The following TEAD1 variants were observed in gnomAD, a reference collection of about 807,000 sequenced individuals.
The protein encoded by TEAD1 is transcriptional enhancer factor TEF-1.
In TEAD1, 9 loss-of-function variants were observed where a neutral mutation model predicts 54.9. That is an observed-to-expected ratio of 0.16 (90% CI 0.10 to 0.29). TEAD1 has a LOEUF of 0.29. Ranked by LOEUF, TEAD1 falls within the 10% of genes least tolerant of loss-of-function variation. TEAD1 has a pLI of 1.00. For synonymous variants in TEAD1, 200 were observed against 187.8 expected, an observed-to-expected ratio of 1.07 and a Z score of -0.53; for missense variants, 387 against 535.9, an observed-to-expected ratio of 0.72 and a Z score of 2.74.
intron 3 of TEAD1, among the ~76,000 whole-genome samples, chr11:12,795,222 A>C (rs1333826657): frequency 6.6e-6 from 1 of 152,046 alleles, no homozygotes. Context: ...TTCAGTCTCT[A>C]ACTTTGTTGT....
chr11:12,773,518 G>A (rs932143578), intron 3 of TEAD1, among the ~76,000 whole-genome samples: 4 of 152,128 alleles, frequency 2.6e-5, no homozygotes, highest in African/African-American at 7.2e-5. Context: ...AAAGACTAAC[G>A]ATGTTGAACA....
At chr11:12,817,985 G>T (rs1293025702) in intron 3 of TEAD1, among the ~76,000 whole-genome samples, 2 of 152,220 alleles carry the variant, frequency 1.3e-5, no homozygotes. Context: ...ATGACATGGG[G>T]TATATCTGGA....
chr11:12,912,969 T>C (rs1948644207), intron 10 of TEAD1, among the ~76,000 whole-genome samples: 5 of 152,154 alleles, frequency 3.3e-5, no homozygotes, highest in Admixed American at 2.6e-4. Flanking sequence ...GGCTACAGAC[T>C]GAGATGCTAA....
intron 2 of TEAD1, among the ~76,000 whole-genome samples, chr11:12,729,160 T>A (rs1443454451): frequency 6.6e-6 from 1 of 152,230 alleles, no homozygotes; most frequent in Non-Finnish European, 1.5e-5. Flanking sequence ...ATATAGTTAT[T>A]GAATGAGTGG....
At chr11:12,713,278 C>G (rs1943982115) in intron 2 of TEAD1, among the ~76,000 whole-genome samples, 1 of 152,278 alleles carries the variant, frequency 6.6e-6, no homozygotes, top group East Asian at 1.9e-4. Flanking sequence ...CCTCAGCCTC[C>G]CAAAGTGCTG....
At chr11:12,931,704 A>T (rs1438903616) in intron 12 of TEAD1, among the ~76,000 whole-genome samples, 1 of 152,216 alleles carries the variant, frequency 6.6e-6, no homozygotes, top group Non-Finnish European at 1.5e-5. Context: ...ATAGCTATTC[A>T]GCTAATGAAA....
rs1310282664 is a variant in TEAD1 at position 12,878,261 on chromosome 11, C to G, written c.331-1447C>G. ...TTCTTAGAAGCCCTTAGCAGTTGTT[C>G]ATGAGCTTTGATTTTTTAAAAACTC... On this transcript the variant is annotated intron_variant, in intron 5 of 12. Transcript: ENST00000527636. Among the ~76,000 whole-genome samples, 5 of 152,176 alleles carry G rather than the reference C, an allele frequency of 3.3e-5. 1 individual carries two copies.
intron 3 of TEAD1, among the ~76,000 whole-genome samples, chr11:12,831,304 C>A (rs1946775636): frequency 6.6e-6 from 1 of 152,128 alleles, no homozygotes; most frequent in African/African-American, 2.4e-5. Flanking sequence ...TCTCCTGCCC[C>A]CTCTGCCAGC....
chr11:12,853,250 G>A (rs1947309938), intron 3 of TEAD1, among the ~76,000 whole-genome samples: 1 of 147,438 alleles, frequency 6.8e-6, no homozygotes, highest in Non-Finnish European at 1.5e-5. Flanking sequence ...GGAACTGGAA[G>A]CTTGGTAGGT....
intron 9 of TEAD1, among the ~76,000 whole-genome samples, chr11:12,894,585 G>A (rs1387836908): frequency 6.6e-6 from 1 of 152,178 alleles, no homozygotes; most frequent in Non-Finnish European, 1.5e-5. Context: ...CAGGTATCTG[G>A]AGAGGGTACT....
In TEAD1 at chr11:12,938,330, T is replaced by G. The variant is rs898623291; in HGVS notation, c.*1108T>G. The G allele has an allele frequency of 3.3e-5, 5 of 152,610 alleles. No homozygotes were observed. The highest frequency in any genetic ancestry group is 1.2e-4 in the African/African-American group (5 of 41,446). 9.5% of individuals were successfully genotyped at this position (152,610 alleles called of 1,614,324 possible). ...TTAGCATCTCTGCTCCCCAGAAAAT[T>G]GTAAGCATCCTCACCAGCCTGTGGA... On this transcript the variant is annotated 3_prime_UTR_variant, in exon 13 of 13. Coordinates refer to ENST00000527636, the MANE Select transcript of TEAD1 (RefSeq NM_021961.6).
rs1230321210 is a variant in TEAD1 at position 12,938,837 on chromosome 11, A to G, written c.*1615A>G. ...GCTTCCCAAAGAAATATGTTTTTGT[A>G]AGTGGTAGGAACATGTGCACACAAT... On this transcript the variant is annotated 3_prime_UTR_variant, in exon 13 of 13. Coordinates refer to ENST00000527636, the MANE Select transcript of TEAD1 (RefSeq NM_021961.6). The G allele has an allele frequency of 6.6e-6, 1 of 152,244 alleles. No homozygotes were observed. The highest frequency in any genetic ancestry group is 2.4e-5 in the African/African-American group (1 of 41,470). The allele number at this position is 152,244 out of a possible 1,614,324, so 9.4% of individuals were successfully genotyped here.
chr11:12,855,924 G>A (rs1280668250), intron 3 of TEAD1, among the ~76,000 whole-genome samples: 1 of 150,806 alleles, frequency 6.6e-6, no homozygotes, highest in South Asian at 2.1e-4. Flanking sequence ...CTCCAGCCTG[G>A]GCAACAGAGC....
At chr11:12,698,030 A>G (rs1257034082) in intron 2 of TEAD1, among the ~76,000 whole-genome samples, 1 of 152,120 alleles carries the variant, frequency 6.6e-6, no homozygotes, top group Non-Finnish European at 1.5e-5. Context: ...CTCAAAAAAA[A>G]AAAAAAAAGG....
intron 3 of TEAD1, among the ~76,000 whole-genome samples, chr11:12,817,664 C>T (rs1946443475): frequency 6.6e-6 from 1 of 152,082 alleles, no homozygotes; most frequent in South Asian, 2.1e-4. Flanking sequence ...ATAAAAAAAT[C>T]AATGTTAACG....
intron 10 of TEAD1, among the ~76,000 whole-genome samples, chr11:12,908,363 C>T (rs925692612): frequency 3.3e-5 from 5 of 152,208 alleles, no homozygotes; most frequent in African/African-American, 9.7e-5. Flanking sequence ...GTTTCCCCTG[C>T]CCTGCCCATG....
chr11:12,931,917 T>TTTTG (rs76907496), intron 12 of TEAD1, among the ~76,000 whole-genome samples: 56,683 of 151,826 alleles, frequency 0.37, 10,716 homozygotes, highest in East Asian at 0.43. Context: ...GCATCCTGGT[T>TTTTG]TTTATTTTTT....
intron 3 of TEAD1, among the ~76,000 whole-genome samples, chr11:12,767,902 G>GGA (rs1424315833): frequency 6.6e-6 from 1 of 152,156 alleles, no homozygotes; most frequent in Non-Finnish European, 1.5e-5. Context: ...GTAGATCATG[G>GGA]GAGAGGAGAT....
chr11:12,813,344 G>T (rs1476974948), intron 3 of TEAD1, among the ~76,000 whole-genome samples: 2 of 152,186 alleles, frequency 1.3e-5, no homozygotes, highest in South Asian at 2.1e-4. Flanking sequence ...CTTTAAGAGT[G>T]CCTCAAGTGA....
Sources: gnomAD v4.1 joint callset for allele counts (sites outside exome capture counted in the v4.1 genomes callset) on GRCh38, gnomAD v4.1.1 for gene constraint, MANE v1.5 for transcripts, NCBI Gene and HGNC (gene_info 2026-07-23, HGNC 2026-07-21) for gene names.